PTPRN: variants seen among roughly 807,000 people sequenced by gnomAD.
PTPRN encodes the protein protein tyrosine phosphatase receptor type N, also known as receptor-type tyrosine-protein phosphatase-like N.
Under a neutral mutation model 108.5 loss-of-function variants are expected in PTPRN, and 70 were observed. The observed-to-expected ratio is 0.65, with a 90% CI of 0.53 to 0.79. The LOEUF is 0.79. PTPRN is among the 30% of genes least tolerant of loss of function. The pLI, the probability that PTPRN is intolerant of heterozygous loss-of-function variation, is 0.00. For missense variants in PTPRN, 1,136 were observed against 1,295.5 expected (o/e 0.88, Z 1.89); for synonymous variants, 496 against 524.6 (o/e 0.95, Z 0.75).
intron 19 of PTPRN, chr2:219,292,335 A>G (rs1476344133): frequency 2.6e-5 from 4 of 152,410 alleles, no homozygotes; most frequent in Admixed American, 2.0e-4. Flanking sequence ...CCGTCTCTCA[A>G]TGGACCCATC....
At chr2:219,301,821 T>C in intron 6 of PTPRN, 102 bp from the exon 7 acceptor site, 1 of 1,374,654 alleles carries the variant, frequency 7.3e-7, no homozygotes, top group Non-Finnish European at 9.8e-7. Flanking sequence ...GTTAAGAGAG[T>C]CTTCCCAGAC....
intron 1 of PTPRN, chr2:219,308,382 TACC>T (rs1052810179): frequency 1.8e-5 from 3 of 171,036 alleles, no homozygotes; most frequent in African/African-American, 7.2e-5. Context: ...TGGAGGCGGT[TACC>T]AGAGAGGAAG....
chr2:219,298,933 A>T, intron 12 of PTPRN, 114 bp downstream of exon 12: 2 of 1,282,226 alleles, frequency 1.6e-6, no homozygotes, highest in Non-Finnish European at 2.3e-6. Context: ...GCCTCCAGCC[A>T]GCCGTGCCTA....
rs140623114 is a variant in PTPRN, at chr2:219,296,164, C to T, written c.2508+62G>A. ...TGCTCATTTGGTGAAGAAAACGTTA[C>T]GAAAAGGCCATCATCTACTCTTCCC... is the stretch of plus-strand genomic sequence containing the variant. On this transcript the variant is annotated intron_variant, in intron 18 of 22. Coordinates refer to ENST00000295718, the MANE Select transcript of PTPRN (RefSeq NM_002846.4). This position sits in a 1 kb window ranked among gnomAD's most constrained non-coding sequence, Gnocchi z 6.0. 318 of 1,597,020 alleles carry T rather than the reference C, an allele frequency of 2.0e-4. 3 individuals are homozygous for T. The East Asian group carries it at 6.4e-3, about 32-fold the overall frequency.
At chr2:219,294,772 C>A (rs1467071051) in intron 19 of PTPRN, among the ~76,000 whole-genome samples, 3 of 151,944 alleles carry the variant, frequency 2.0e-5, no homozygotes. Context: ...AGCTGGCCCA[C>A]GCGGGTGGTG....
rs1461994819 is a variant in PTPRN at position 219,296,606 on chromosome 2, G to A, written c.2311-90C>T. ...GAGCAAGTGGGTCAGGGTCTGAGAA[G>A]GCTGGCAGTTCCCCCTTGCTAGGAT... On this transcript the variant is annotated intron_variant, in intron 16 of 22. Coordinates refer to ENST00000295718, the MANE Select transcript of PTPRN (RefSeq NM_002846.4). This position sits in a 1 kb window ranked among gnomAD's most constrained non-coding sequence, Gnocchi z 6.0. 13 of 1,571,286 alleles carry A rather than the reference G, an allele frequency of 8.3e-6. No homozygotes were observed. The highest frequency in any genetic ancestry group is 1.4e-5 in the African/African-American group (1 of 74,002).
At chr2:219,293,170 ATT>A (rs1952090526) in intron 19 of PTPRN, among the ~76,000 whole-genome samples, 1 of 474 alleles carries the variant, frequency 2.1e-3, no homozygotes, top group African/African-American at 2.8e-3. Flanking sequence ...AACTGCATTT[ATT>A]TATTTATTTA....
rs1414644030 is a variant in PTPRN at position 219,303,689 on chromosome 2, T to C, written c.377+46A>G. ...CTCCATCAATTAGGACAACCACAGA[T>C]TCATCAGCCTCACCATTGCTAGAGT... On this transcript the variant is annotated intron_variant, in intron 4 of 22. Transcript: ENST00000295718. 4 of 1,544,008 alleles carry C rather than the reference T, an allele frequency of 2.6e-6. No individual in the cohort carries two copies. In the East Asian group the frequency reaches 9.0e-5, roughly 35 times the overall value.
chr2:219,297,137 G>C lies in PTPRN; in HGVS notation c.2089-5C>G. 6.2e-7 allele frequency: 1 copy of C among 1,613,778 alleles called. No individual in the cohort carries two copies. The highest frequency in any genetic ancestry group is 1.7e-5 in the Admixed American group (1 of 60,006). On this transcript the variant is annotated splice_polypyrimidine_tract_variant and splice_region_variant and intron_variant, in intron 14 of 22. Transcript: ENST00000295718. This position sits in a 1 kb window ranked among gnomAD's most constrained non-coding sequence, Gnocchi z 6.0. ...CAGGTGATCCTCCATGTATGCCTGT[G>C]GGGGCACCACGGTCTGGCTCTGGCC... is the stretch of plus-strand genomic sequence containing the variant.
In PTPRN at chr2:219,308,983, AT is replaced by A. The variant is rs1260644284; in HGVS notation, c.115+234del. ...CCCGTGTCCTTCTCCCGAACCTGCA[AT>A]TTTCCCCAGAGCCCAATTCTCTTAG... On this transcript the variant is annotated intron_variant, in intron 1 of 22. Transcript: ENST00000295718. 3 of 1,506,920 alleles carry A rather than the reference AT, an allele frequency of 2.0e-6. No homozygotes were observed. The Admixed American group carries it at 6.1e-5, about 31-fold the overall frequency. 93.3% of individuals were successfully genotyped at this position (1,506,920 alleles called of 1,614,324 possible). A position where few individuals can be genotyped will look rare whatever the true frequency, so the allele number is the denominator to read the frequency against.
chr2:219,291,977 A>G (rs895744113), intron 19 of PTPRN: 2 of 187,370 alleles, frequency 1.1e-5, no homozygotes, highest in African/African-American at 2.4e-5. Context: ...CCCAAGTCCA[A>G]GGGGATAGCT....
At chr2:219,294,492 G>A (rs75297529) in intron 19 of PTPRN, among the ~76,000 whole-genome samples, 68 of 151,540 alleles carry the variant, frequency 4.5e-4, no homozygotes, top group African/African-American at 1.6e-3. Context: ...AAGAGGCGAA[G>A]AGACGGAGAG....
At chr2:219,309,043 G>T in intron 1 of PTPRN, 175 bp downstream of exon 1, 1 of 1,531,036 alleles carries the variant, frequency 6.5e-7, no homozygotes, top group South Asian at 1.2e-5. Flanking sequence ...CCACCTCCAG[G>T]CCTACGCCCC....
rs1381667013 is a variant in PTPRN, at chr2:219,301,596, C to A, written c.1118G>T (p.Arg373Ile). 6.2e-6 allele frequency: 10 copies of A among 1,607,718 alleles called. No homozygotes were observed. The highest frequency in any genetic ancestry group is 1.7e-5 in the Admixed American group (1 of 59,896). ...TCTGCCTGGACACTTACCCGGATTT[C>A]TTCCTGCACCCTTGGGCAGTAGCTG... is the stretch of plus-strand genomic sequence containing the variant. ...LLQLLPKGAG[R>I]NPGGVVNVGA... The change falls in exon 7 of 23, where the codon AGA becomes ATA. Residue 373 changes from arginine to isoleucine, a missense_variant. Transcript: ENST00000295718.
At position 219,296,816 on chromosome 2, in the gene PTPRN, T is replaced by C. The variant is rs1559296951; in HGVS notation, c.2243A>G (p.His748Arg). The change falls in exon 16 of 23, where the codon CAT becomes CGT. Residue 748 changes from histidine to arginine, a missense_variant. Physicochemically the swap from His to Arg is conservative, Grantham distance 29. Coordinates refer to ENST00000295718, the MANE Select transcript of PTPRN (RefSeq NM_002846.4). This position sits in a 1 kb window ranked among gnomAD's most constrained non-coding sequence, Gnocchi z 6.0. ...CTCCACCTTCAGTTTTATGCGGGCA[T>C]GGTCATCTGCACAGACCCGACACCC... ...NRHPDFLPYDHARIKLKVESS... is the reference protein window; with the variant it reads ...NRHPDFLPYDRARIKLKVESS... The C allele has an allele frequency of 6.2e-7, 1 of 1,613,830 alleles. No individual in the cohort carries two copies. Among genetic ancestry groups the C allele is most frequent in the African/African-American group, 1.3e-5 (1 of 74,834 alleles).
rs983156236 is a variant in PTPRN at position 219,297,779 on chromosome 2, G to T, written c.1887+106C>A. 1 of 1,329,066 alleles carries T rather than the reference G, an allele frequency of 7.5e-7. No homozygotes were observed. Among genetic ancestry groups the T allele is most frequent in the African/African-American group, 1.5e-5 (1 of 68,274 alleles). 82.3% of individuals were successfully genotyped at this position (1,329,066 alleles called of 1,614,324 possible). On this transcript the variant is annotated intron_variant, in intron 13 of 22. Transcript: ENST00000295718. This position sits in a 1 kb window ranked among gnomAD's most constrained non-coding sequence, Gnocchi z 6.0. ...CCAGCCTCCACTGGACCTTCCCAGG[G>T]ATGAGGGCTCACTCCCCATTCAGTT...
At position 219,299,304 on chromosome 2, in the gene PTPRN, C is replaced by G; in HGVS notation, c.1603+1G>C. On this transcript the variant is annotated splice_donor_variant, in intron 11 of 22. Coordinates refer to ENST00000295718, the MANE Select transcript of PTPRN (RefSeq NM_002846.4). LOFTEE classifies it high-confidence loss of function. ...GGGATTGAGGTCGCAGAGATATTTA[C>G]CTGCTTGTTGGGTCACATCAGCCAA... The G allele has an allele frequency of 6.2e-7, 1 of 1,614,070 alleles. No individual in the cohort carries two copies. The highest frequency in any genetic ancestry group is 8.5e-7 in the Non-Finnish European group (1 of 1,179,880).
intron 2 of PTPRN, 59 bp from the exon 3 acceptor site, chr2:219,307,616 G>T (rs759174038): frequency 1.3e-6 from 2 of 1,512,348 alleles, no homozygotes; most frequent in East Asian, 2.3e-5. Context: ...CCAAAGTCCA[G>T]GTTGCAAATG....
At chr2:219,306,271 T>C (rs1019889068) in intron 3 of PTPRN, among the ~76,000 whole-genome samples, 7 of 152,214 alleles carry the variant, frequency 4.6e-5, no homozygotes, top group Non-Finnish European at 1.0e-4. Context: ...AAATGCAGAA[T>C]TCTCTCATCC....
Sources: allele counts gnomAD v4.1 joint callset (sites outside exome capture counted in the v4.1 genomes callset), GRCh38; gene constraint gnomAD v4.1.1; non-coding constraint Gnocchi (gnomAD v3.1); transcripts MANE v1.5; gene names NCBI Gene and HGNC (gene_info 2026-07-23, HGNC 2026-07-21).